The following MAGI2 variants were observed in gnomAD, a reference collection of about 807,000 sequenced individuals.
MAGI2 encodes membrane-associated guanylate kinase, WW and PDZ domain-containing protein 2.
In MAGI2, 35 loss-of-function variants were observed where a neutral mutation model predicts 133.3. That is an observed-to-expected ratio of 0.26 (90% confidence interval 0.20 to 0.35). The LOEUF (loss-of-function observed/expected upper bound fraction) is 0.35, where lower values mean the gene tolerates loss of function less well. Ranked by LOEUF, MAGI2 falls within the 10% of genes least tolerant of loss-of-function variation. The pLI, the probability that MAGI2 is intolerant of heterozygous loss-of-function variation, is 1.00. For synonymous variants in MAGI2, 729 were observed against 710.6 expected (o/e 1.03, Z -0.41); for missense variants, 1,636 against 1,863.4 (o/e 0.88, Z 2.25).
intron 2 of MAGI2, among the ~76,000 whole-genome samples, chr7:78,982,959 G>T (rs550644199): frequency 7.2e-5 from 11 of 152,040 alleles, no homozygotes; most frequent in Non-Finnish European, 1.3e-4. Flanking sequence ...ATGAGCACTT[G>T]AAGTGTGGTT....
intron 3 of MAGI2, among the ~76,000 whole-genome samples, chr7:78,558,668 C>G (rs1053629466): frequency 6.6e-6 from 1 of 152,022 alleles, no homozygotes; most frequent in Non-Finnish European, 1.5e-5. Context: ...TTTTTGGGTC[C>G]TTATAATCAC....
At chr7:78,050,981 G>C (rs902636016) in intron 21 of MAGI2, among the ~76,000 whole-genome samples, 1 of 152,262 alleles carries the variant, frequency 6.6e-6, no homozygotes, top group African/African-American at 2.4e-5. Context: ...GATACCTCTG[G>C]AGCCAGAAGC....
intron 2 of MAGI2, among the ~76,000 whole-genome samples, chr7:78,686,009 A>G (rs1816272867): frequency 7.6e-6 from 1 of 131,938 alleles, no homozygotes; most frequent in African/African-American, 2.7e-5. Flanking sequence ...GCTTTTATTC[A>G]GCATGCCATG....
At chr7:79,104,190 G>A (rs1401944599) in intron 1 of MAGI2, among the ~76,000 whole-genome samples, 1 of 152,228 alleles carries the variant, frequency 6.6e-6, no homozygotes, top group South Asian at 2.1e-4. Flanking sequence ...GGAGCCCCCT[G>A]TCATACTTAA....
Position 79,350,575 on chromosome 7 carries a change from T to TA in MAGI2, c.301+102444dup, listed in dbSNP as rs540194797. On this transcript the variant is annotated intron_variant, in intron 1 of 21. Coordinates refer to ENST00000354212, the MANE Select transcript of MAGI2 (RefSeq NM_012301.4). ...ATAGTTCTGTTTTAATTACAGATGTTAAAAAAAATAAAGGAATGAACACTT... is the reference window on the plus strand; with the variant it reads ...ATAGTTCTGTTTTAATTACAGATGTTAAAAAAAAATAAAGGAATGAACACTT... 1.7e-3 allele frequency among the ~76,000 whole-genome samples: 251 copies of TA among 151,998 alleles called. 2 individuals are homozygous for TA. Among genetic ancestry groups the TA allele is most frequent in the African/African-American group, 5.7e-3 (237 of 41,482 alleles).
chr7:79,351,749 T>A (rs1052246890), intron 1 of MAGI2: 1 of 152,198 alleles, frequency 6.6e-6, no homozygotes, highest in Non-Finnish European at 1.5e-5. Flanking sequence ...TGGATCAGTC[T>A]GTGCTGTGCA....
At position 78,322,580 on chromosome 7, in the gene MAGI2, G is replaced by T. The variant is rs143270500; in HGVS notation, c.1408+21198C>A. On this transcript the variant is annotated intron_variant, in intron 9 of 21. Transcript: ENST00000354212. ...AACAACGAGAACACATGGACACAGG[G>T]AGGAGAACATCACACACTGGGGCCT... is the stretch of plus-strand genomic sequence containing the variant. Among the ~76,000 whole-genome samples the T allele has an allele frequency of 2.0e-3, 308 of 152,180 alleles. 2 individuals carry two copies. The highest frequency in any genetic ancestry group is 6.9e-3 in the African/African-American group (288 of 41,520).
intron 2 of MAGI2, among the ~76,000 whole-genome samples, chr7:78,720,311 T>C (rs1388652874): frequency 6.6e-6 from 1 of 152,232 alleles, no homozygotes; most frequent in Admixed American, 6.5e-5. Context: ...CATACAACAC[T>C]GAGTGTGTAC....
At chr7:78,268,286 G>T (rs1040258429) in intron 9 of MAGI2, among the ~76,000 whole-genome samples, 2 of 151,878 alleles carry the variant, frequency 1.3e-5, no homozygotes, top group Non-Finnish European at 2.9e-5. Flanking sequence ...GCAAAATTTT[G>T]GATATTTTAA....
chr7:79,191,631 C>T (rs1161117857), intron 1 of MAGI2, among the ~76,000 whole-genome samples: 1 of 151,184 alleles, frequency 6.6e-6, no homozygotes, highest in African/African-American at 2.4e-5. Context: ...GTTATTCTTG[C>T]TACTGTGAAT....
Position 78,540,643 on chromosome 7 carries a change from A to G in MAGI2, c.539-18998T>C, listed in dbSNP as rs527430090. Reference sequence around the variant, plus strand: ...ATTTGTGCTTGATCAAAATGACTACAAAGTTCAGCTGAAAGTTTCCTTCTC... The same window carrying G: ...ATTTGTGCTTGATCAAAATGACTACGAAGTTCAGCTGAAAGTTTCCTTCTC... On this transcript the variant is annotated intron_variant, in intron 3 of 21. Coordinates refer to ENST00000354212, the MANE Select transcript of MAGI2 (RefSeq NM_012301.4). 3.2e-4 allele frequency among the ~76,000 whole-genome samples: 49 copies of G among 151,838 alleles called. No homozygotes were observed. The South Asian group carries it at 8.8e-3, about 27-fold the overall frequency.
chr7:78,042,434 GA>G (rs3842166), intron 21 of MAGI2, among the ~76,000 whole-genome samples: 9,418 of 152,228 alleles, frequency 0.062, 310 homozygotes, highest in African/African-American at 0.094. Flanking sequence ...TGAATTTTGG[GA>G]GTGTCTGGAG....
chr7:78,624,374 G>A (rs1342018615), intron 3 of MAGI2, among the ~76,000 whole-genome samples: 2 of 151,954 alleles, frequency 1.3e-5, no homozygotes, highest in Non-Finnish European at 2.9e-5. Flanking sequence ...TTTTCATCAC[G>A]AAACATTTAC....
intron 2 of MAGI2, among the ~76,000 whole-genome samples, chr7:78,962,842 T>TC (rs1802965473): frequency 6.7e-6 from 1 of 150,084 alleles, no homozygotes; most frequent in Non-Finnish European, 1.5e-5. Context: ...AATTAAACTC[T>TC]TTTAAGTGAA....
chr7:78,060,579 T>C (rs1273767637), intron 21 of MAGI2, among the ~76,000 whole-genome samples: 2 of 152,162 alleles, frequency 1.3e-5, no homozygotes, highest in Non-Finnish European at 2.9e-5. Context: ...GAAAGAAGCA[T>C]GAGGGCTATG....
chr7:79,166,622 T>G (rs997156737), intron 1 of MAGI2, among the ~76,000 whole-genome samples: 2 of 152,116 alleles, frequency 1.3e-5, no homozygotes, highest in Non-Finnish European at 2.9e-5. Context: ...AAAGAAGGTT[T>G]GTGTTATCTA....
chr7:79,117,977 T>A (rs549922334), intron 1 of MAGI2, among the ~76,000 whole-genome samples: 42 of 152,320 alleles, frequency 2.8e-4, no homozygotes, highest in African/African-American at 9.9e-4. Flanking sequence ...TGTTCTCTAT[T>A]GTAAACTTAC....
At chr7:79,364,053 A>G (rs1842533724) in intron 1 of MAGI2, among the ~76,000 whole-genome samples, 1 of 151,956 alleles carries the variant, frequency 6.6e-6, no homozygotes, top group Non-Finnish European at 1.5e-5. Context: ...ATCACCTCAC[A>G]CCGATGGAAT....
intron 2 of MAGI2, among the ~76,000 whole-genome samples, chr7:78,750,617 C>T (rs1043792351): frequency 5.9e-5 from 9 of 152,020 alleles, no homozygotes; most frequent in Admixed American, 5.9e-4. Context: ...ATACACATAA[C>T]AAAAAACACA....
Sources: gnomAD v4.1 joint callset for allele counts (sites outside exome capture counted in the v4.1 genomes callset) on GRCh38, gnomAD v4.1.1 for gene constraint, MANE v1.5 for transcripts, NCBI Gene and HGNC (gene_info 2026-07-23, HGNC 2026-07-21) for gene names.